The following ZRSR2 variants were observed in gnomAD, a reference collection of about 807,000 sequenced individuals.
ZRSR2 encodes the protein U2 small nuclear ribonucleoprotein auxiliary factor 35 kDa subunit-related protein 2.
Under a neutral mutation model 39.4 loss-of-function variants are expected in ZRSR2, and 3 were observed. The ratio of observed to expected loss-of-function variants is 0.08; its 90% CI spans 0.03 to 0.20. The LOEUF is 0.20. ZRSR2 is among the 10% of genes least tolerant of loss of function. The pLI is 1.00. For synonymous variants in ZRSR2, 137 were observed against 136.0 expected (o/e 1.01, Z -0.05); for missense variants, 256 against 391.5 (o/e 0.65, Z 2.92).
At chrX:15,801,327 C>T in intron 3 of ZRSR2, 1 of 266,501 alleles carries the variant, frequency 3.8e-6, no homozygotes, top group South Asian at 3.6e-5. Flanking sequence ...CTCCCAGGTT[C>T]ACACGATTCT....
Position 15,809,261 on chromosome X carries a change from A to C in ZRSR2, c.500A>C (p.Lys167Thr), listed in dbSNP as rs1470950567. The C allele has an allele frequency of 8.3e-7, 1 of 1,209,592 alleles. No homozygotes were observed. Among genetic ancestry groups the C allele is most frequent in the African/African-American group, 1.7e-5 (1 of 57,364 alleles). The change falls in exon 7 of 11, where the codon AAG (lysine) becomes ACG (threonine). Residue 167 changes from lysine (K) to threonine (T), a missense_variant. Lys to Thr is a moderately conservative substitution (Grantham distance 78, BLOSUM62 -1). Transcript: ENST00000307771. ...CCCGTGGATTTCAGAGTAATGGAGAAGGATCGAGCTAATTGTCCCTTCTAC... is the reference window on the plus strand; with the variant it reads ...CCCGTGGATTTCAGAGTAATGGAGACGGATCGAGCTAATTGTCCCTTCTAC... ...EPPVDFRVMEKDRANCPFYSK... is the reference protein window; with the variant it reads ...EPPVDFRVMETDRANCPFYSK...
intron 7 of ZRSR2, 75 bp downstream of exon 7, chrX:15,809,393 G>C (rs1244802942): frequency 2.7e-6 from 2 of 732,973 alleles, no homozygotes; most frequent in African/African-American, 4.2e-5. Flanking sequence ...CCTTTTGGGA[G>C]AGGCGCATGT....
intron 3 of ZRSR2, 128 bp from the exon 4 acceptor site, chrX:15,803,560 G>A: frequency 1.1e-6 from 1 of 903,882 alleles, no homozygotes; most frequent in Non-Finnish European, 1.5e-6. Context: ...CCACTTGACT[G>A]CTTTAATAGA....
intron 7 of ZRSR2, among the ~76,000 whole-genome samples, chrX:15,812,547 T>G (rs1004906179): frequency 1.8e-5 from 2 of 111,790 alleles, no homozygotes; most frequent in Non-Finnish European, 3.8e-5. Context: ...TAGTACAGAG[T>G]TCAATTCTAG....
At chrX:15,800,186 CTTTTTTTTT>C (rs752445746) in intron 3 of ZRSR2, among the ~76,000 whole-genome samples, 2 of 79,307 alleles carry the variant, frequency 2.5e-5, no homozygotes, top group African/African-American at 9.3e-5. Flanking sequence ...TTTTTTCTTT[CTTTTTTTTT>C]TTTTTTTTTT....
chrX:15,811,839 C>T (rs769186653), intron 7 of ZRSR2, among the ~76,000 whole-genome samples: 2 of 112,634 alleles, frequency 1.8e-5, no homozygotes, highest in Non-Finnish European at 3.8e-5. Flanking sequence ...GTCATGCTCT[C>T]AGATCCCATC....
intron 8 of ZRSR2, among the ~76,000 whole-genome samples, chrX:15,817,683 C>T (rs924060854): frequency 9.0e-6 from 1 of 111,280 alleles, no homozygotes; most frequent in Non-Finnish European, 1.9e-5. Flanking sequence ...AGTGAAGGTA[C>T]GTGTAACCTA....
chrX:15,816,160 C>T (rs1413551490), intron 8 of ZRSR2, among the ~76,000 whole-genome samples: 2 of 112,112 alleles, frequency 1.8e-5, no homozygotes, highest in Middle Eastern at 4.2e-3. Flanking sequence ...CTTTGTGCTC[C>T]AGTTCTTTTC....
intron 9 of ZRSR2, 61 bp downstream of exon 9, chrX:15,818,703 T>A (rs948103218): frequency 1.1e-6 from 1 of 938,741 alleles, no homozygotes; most frequent in African/African-American, 2.0e-5. Context: ...CTGTTTCTGT[T>A]GATGTCTGGG....
At chrX:15,791,247 A>G (rs1932267419) in intron 2 of ZRSR2, among the ~76,000 whole-genome samples, 1 of 112,125 alleles carries the variant, frequency 8.9e-6, no homozygotes, top group South Asian at 3.7e-4. Flanking sequence ...TGTAACTTAT[A>G]AAGTATCTAA....
intron 3 of ZRSR2, among the ~76,000 whole-genome samples, chrX:15,800,187 T>C (rs1221489847): frequency 5.4e-5 from 3 of 56,067 alleles, no homozygotes; most frequent in African/African-American, 1.9e-4. Flanking sequence ...TTTTTCTTTC[T>C]TTTTTTTTTT....
At chrX:15,821,425 C>G (rs1933104660) in intron 10 of ZRSR2, among the ~76,000 whole-genome samples, 1 of 109,727 alleles carries the variant, frequency 9.1e-6, no homozygotes, top group South Asian at 3.9e-4. Flanking sequence ...GGAGAGATGT[C>G]TGTTTGGATC....
intron 10 of ZRSR2, 26 bp downstream of exon 10, chrX:15,820,342 TC>T (rs1569073649): frequency 8.6e-7 from 1 of 1,156,928 alleles, no homozygotes; most frequent in East Asian, 3.0e-5. Flanking sequence ...ATGATTTTTT[TC>T]CTCAATTGTT....
chrX:15,820,182 A>G (rs777915777), intron 9 of ZRSR2, 25 bp from the exon 10 acceptor site: 6 of 1,134,416 alleles, frequency 5.3e-6, no homozygotes, highest in Non-Finnish European at 7.3e-6. Context: ...ACTGTAAAGC[A>G]TATCATTTGA....
chrX:15,817,749 C>T (rs1933007602), intron 8 of ZRSR2, among the ~76,000 whole-genome samples: 1 of 111,287 alleles, frequency 9.0e-6, no homozygotes, highest in Admixed American at 9.6e-5. Flanking sequence ...CCCACAGAGA[C>T]CTGTTTAAGA....
chrX:15,808,917 G>A (rs1212503771), intron 6 of ZRSR2, among the ~76,000 whole-genome samples: 1 of 110,837 alleles, frequency 9.0e-6, no homozygotes, highest in Non-Finnish European at 1.9e-5. Flanking sequence ...CACTGCACCC[G>A]GCCTTCTTGG....
At chrX:15,799,386 GTTTTTCTCCA>G (rs973421220) in intron 2 of ZRSR2, among the ~76,000 whole-genome samples, 4 of 108,560 alleles carry the variant, frequency 3.7e-5, no homozygotes, top group Non-Finnish European at 7.6e-5. Context: ...TTCTACTTAA[GTTTTTCTCCA>G]TTTTTTAGTT....
intron 7 of ZRSR2, among the ~76,000 whole-genome samples, chrX:15,813,399 G>A (rs188846617): frequency 1.4e-3 from 162 of 112,324 alleles, no homozygotes; most frequent in African/African-American, 5.1e-3. Context: ...AGAAATCTCA[G>A]TTCTTTCCAG....
chrX:15,820,381 G>A lies in ZRSR2; in HGVS notation c.937+65G>A. Reference sequence around the variant, plus strand: ...ACTGCTATATAAAGGGATATTCTTTGGGGGAAACCCAGTATTTTCAAGTGG... The same window carrying A: ...ACTGCTATATAAAGGGATATTCTTTAGGGGAAACCCAGTATTTTCAAGTGG... On this transcript the variant is annotated intron_variant, in intron 10 of 10. Coordinates refer to ENST00000307771, the MANE Select transcript of ZRSR2 (RefSeq NM_005089.4). 3.9e-6 allele frequency: 4 copies of A among 1,030,016 alleles called. No individual in the cohort carries two copies. The Admixed American group carries it at 9.0e-5, about 23-fold the overall frequency. The allele number at this position is 1,030,016 out of a possible 1,213,427, so 84.9% of individuals were successfully genotyped here.
Sources: gnomAD v4.1 joint callset for allele counts (sites outside exome capture counted in the v4.1 genomes callset) on GRCh38, gnomAD v4.1.1 for gene constraint, MANE v1.5 for transcripts, NCBI Gene and HGNC (gene_info 2026-07-23, HGNC 2026-07-21) for gene names.